Variants in BRINP2 observed in about 807,000 individuals in gnomAD.
BRINP2 encodes the protein BMP/retinoic acid inducible neural specific 2, also known as BMP/retinoic acid-inducible neural-specific protein 2.
In BRINP2, 21 loss-of-function variants were observed where a neutral mutation model predicts 69.2. The observed-to-expected ratio is 0.30, with a 90% CI of 0.22 to 0.44. The LOEUF is 0.44. BRINP2 is among the 20% of genes least tolerant of loss of function. BRINP2 has a pLI of 1.00. For synonymous variants in BRINP2, 380 were observed against 394.1 expected, an observed-to-expected ratio of 0.96 and a Z score of 0.42; for missense variants, 877 against 986.0, an observed-to-expected ratio of 0.89 and a Z score of 1.48.
intron 1 of BRINP2, among the ~76,000 whole-genome samples, chr1:177,197,478 T>A (rs950558575): frequency 6.6e-6 from 1 of 151,946 alleles, no homozygotes; most frequent in Non-Finnish European, 1.5e-5. Flanking sequence ...CAGATCCTAA[T>A]CTGATAGGGT....
chr1:177,263,186 C>A (rs1197292032), intron 4 of BRINP2, among the ~76,000 whole-genome samples: 1 of 152,100 alleles, frequency 6.6e-6, no homozygotes, highest in Non-Finnish European at 1.5e-5. Flanking sequence ...GTAGGTTTGA[C>A]AATTCATTAG....
At chr1:177,278,821 C>T in intron 7 of BRINP2, 36 bp downstream of exon 7, 1 of 1,601,304 alleles carries the variant, frequency 6.2e-7, no homozygotes, top group South Asian at 1.1e-5. Context: ...CAGAGCTCAG[C>T]ACCTCCCCTG....
rs569593343 is a variant in BRINP2, at chr1:177,229,907, G to A, written c.31G>A (p.Gly11Arg). The change falls in exon 2 of 8, where the codon GGG becomes AGG. Residue 11 changes from glycine to arginine, a missense_variant. Physicochemically the swap from Gly to Arg is moderately radical, Grantham distance 125. This residue lies in a region of BRINP2 where 566 missense variants were observed against 625.2 expected (regional missense o/e 0.91). Coordinates refer to ENST00000361539, the MANE Select transcript of BRINP2 (RefSeq NM_021165.4). The part of the protein sequence containing the change: MRWQCGTRFR[G>R]LRPAVAPWTA... ...GTGGCAGTGTGGCACTCGGTTTAGA[G>A]GGCTTCGGCCGGCGGTGGCCCCATG... The A allele has an allele frequency of 1.2e-4, 199 of 1,604,930 alleles. 1 individual carries two copies. In the South Asian group the frequency reaches 1.3e-3, roughly 10 times the overall value.
At chr1:177,216,760 G>A (rs1178362725) in intron 1 of BRINP2, among the ~76,000 whole-genome samples, 1 of 148,996 alleles carries the variant, frequency 6.7e-6, no homozygotes, top group Non-Finnish European at 1.5e-5. Flanking sequence ...TTTTCTGAGT[G>A]AAGTATTCTT....
At chr1:177,247,231 G>C (rs1051137749) in intron 2 of BRINP2, among the ~76,000 whole-genome samples, 12 of 152,188 alleles carry the variant, frequency 7.9e-5, no homozygotes, top group Non-Finnish European at 7.3e-5. Flanking sequence ...AAATTCTTTA[G>C]GAAAATCAGC....
At chr1:177,200,321 A>AAAAAAAAAAAAAAAAAAAC (rs1648871766) in intron 1 of BRINP2, among the ~76,000 whole-genome samples, 1 of 147,182 alleles carries the variant, frequency 6.8e-6, no homozygotes, top group African/African-American at 2.6e-5. Context: ...AAAAAAAAAA[A>AAAAAAAAAAAAAAAAAAAC]AGAATGCATT....
chr1:177,200,116 A>G lies in BRINP2; in HGVS notation c.-77+28384A>G, dbSNP rs147266164. Among the ~76,000 whole-genome samples the G allele has an allele frequency of 5.1e-3, 771 of 151,586 alleles. 3 individuals carry two copies. Among genetic ancestry groups the G allele is most frequent in the African/African-American group, 0.018 (726 of 41,332 alleles). ...AGACCAGCCTGGGCAACATGCTGAAACCCCATCTCTATTAAAAAATACAAA... is the reference window on the plus strand; with the variant it reads ...AGACCAGCCTGGGCAACATGCTGAAGCCCCATCTCTATTAAAAAATACAAA... On this transcript the variant is annotated intron_variant, in intron 1 of 7. Coordinates refer to ENST00000361539, the MANE Select transcript of BRINP2 (RefSeq NM_021165.4).
intron 5 of BRINP2, among the ~76,000 whole-genome samples, chr1:177,274,467 T>C (rs987990892): frequency 3.3e-5 from 5 of 152,144 alleles, no homozygotes; most frequent in Admixed American, 1.3e-4. Context: ...GCTTTAGGAA[T>C]TAAGAAATAT....
chr1:177,207,186 G>A (rs1366546519), intron 1 of BRINP2, among the ~76,000 whole-genome samples: 1 of 152,066 alleles, frequency 6.6e-6, no homozygotes, highest in Non-Finnish European at 1.5e-5. Context: ...TAAGTAAAGG[G>A]TTATTGATTT....
At chr1:177,234,935 G>A (rs1246523812) in intron 2 of BRINP2, among the ~76,000 whole-genome samples, 1 of 152,210 alleles carries the variant, frequency 6.6e-6, no homozygotes, top group African/African-American at 2.4e-5. Context: ...ATTGGTGAAT[G>A]AGGCAGTAAA....
At chr1:177,201,335 G>T (rs542507567) in intron 1 of BRINP2, among the ~76,000 whole-genome samples, 1 of 152,094 alleles carries the variant, frequency 6.6e-6, no homozygotes, top group Non-Finnish European at 1.5e-5. Context: ...TGGACAGGAC[G>T]CTTCAGGCAA....
intron 1 of BRINP2, among the ~76,000 whole-genome samples, chr1:177,215,803 T>C (rs554913352): frequency 6.6e-6 from 1 of 152,122 alleles, no homozygotes; most frequent in South Asian, 2.1e-4. Flanking sequence ...AATTTTGCTT[T>C]ACATATTTAG....
intron 1 of BRINP2, among the ~76,000 whole-genome samples, chr1:177,219,606 G>A (rs1649468343): frequency 6.6e-6 from 1 of 152,224 alleles, no homozygotes; most frequent in Non-Finnish European, 1.5e-5. Flanking sequence ...GCTCTGTGCT[G>A]TTTAGCACAG....
chr1:177,249,705 A>T (rs1272187285), intron 2 of BRINP2, among the ~76,000 whole-genome samples: 1 of 152,218 alleles, frequency 6.6e-6, no homozygotes, highest in Non-Finnish European at 1.5e-5. Flanking sequence ...TGATTATTCT[A>T]TTACTGGGGG....
At position 177,279,610 on chromosome 1, in the gene BRINP2, A is replaced by C. The variant is rs556537156; in HGVS notation, c.1236-802A>C. ...AGCTCTATCAGAGGCACAGGTAAGA[A>C]GAGAAGCATACGAAGAAGTGGTTTT... On this transcript the variant is annotated intron_variant, in intron 7 of 7. Coordinates refer to ENST00000361539, the MANE Select transcript of BRINP2 (RefSeq NM_021165.4). Among the ~76,000 whole-genome samples the C allele has an allele frequency of 2.6e-5, 4 of 152,328 alleles. No homozygotes were observed. In the South Asian group the frequency reaches 8.3e-4, roughly 32 times the overall value.
chr1:177,281,661 G>A lies in BRINP2; in HGVS notation c.*133G>A, dbSNP rs528390664. 17 of 1,237,346 alleles carry A rather than the reference G, an allele frequency of 1.4e-5. No homozygotes were observed. The highest frequency in any genetic ancestry group is 1.4e-4 in the African/African-American group (9 of 66,652). The allele number at this position is 1,237,346 out of a possible 1,614,324, so 76.6% of individuals were successfully genotyped here. On this transcript the variant is annotated 3_prime_UTR_variant, in exon 8 of 8. Transcript: ENST00000361539. ...TTCAGCATCCAGTAGATGGGACCTCGAGGCTCGAGCTGAAGCAGGCGAGAG... is the reference window on the plus strand; with the variant it reads ...TTCAGCATCCAGTAGATGGGACCTCAAGGCTCGAGCTGAAGCAGGCGAGAG...
intron 1 of BRINP2, among the ~76,000 whole-genome samples, chr1:177,183,985 A>G (rs1043605804): frequency 1.3e-5 from 2 of 152,208 alleles, no homozygotes; most frequent in Non-Finnish European, 2.9e-5. Context: ...TTAAAGAGAG[A>G]GATAAGTGCT....
chr1:177,243,276 G>T (rs553031793), intron 2 of BRINP2, among the ~76,000 whole-genome samples: 16 of 152,308 alleles, frequency 1.1e-4, no homozygotes, highest in African/African-American at 3.6e-4. Flanking sequence ...ATCACTTATA[G>T]TCTACATACT....
At chr1:177,195,506 G>A (rs1419410077) in intron 1 of BRINP2, among the ~76,000 whole-genome samples, 1 of 149,708 alleles carries the variant, frequency 6.7e-6, no homozygotes, top group Admixed American at 6.7e-5. Flanking sequence ...TTCTGTGACC[G>A]CTCTCAACCT....
Sources: gnomAD v4.1 joint callset for allele counts (sites outside exome capture counted in the v4.1 genomes callset) on GRCh38, gnomAD v4.1.1 for gene constraint, gnomAD v4.1.1 regional missense constraint, MANE v1.5 for transcripts, NCBI Gene and HGNC (gene_info 2026-07-23, HGNC 2026-07-21) for gene names.